LGR6: variants seen among roughly 807,000 people sequenced by gnomAD.
LGR6 encodes leucine rich repeat containing G protein-coupled receptor 6.
A neutral mutation model predicts 69.4 loss-of-function variants in LGR6; 45 were observed. The observed-to-expected ratio is 0.65, with a 90% CI of 0.51 to 0.83. The LOEUF (loss-of-function observed/expected upper bound fraction) is 0.83. Ranked by LOEUF, LGR6 falls within the 40% of genes least tolerant of loss-of-function variation. The pLI is 0.00. For missense variants in LGR6, 1,108 were observed against 1,246.7 expected (o/e 0.89, Z 1.68); for synonymous variants, 538 against 555.0 (o/e 0.97, Z 0.43).
intron 5 of LGR6, 54 bp from the exon 6 acceptor site, chr1:202,280,727 C>G: frequency 6.6e-7 from 1 of 1,522,942 alleles, no homozygotes; most frequent in Non-Finnish European, 9.1e-7. Context: ...TCTTCCATCC[C>G]CTGGCCCCAG....
intron 3 of LGR6, among the ~76,000 whole-genome samples, chr1:202,231,403 T>C (rs1245768806): frequency 6.6e-6 from 1 of 152,168 alleles, no homozygotes; most frequent in Non-Finnish European, 1.5e-5. Context: ...GGCTGCCCTC[T>C]CTGAGTCACC....
chr1:202,226,083 C>T (rs954185616), intron 2 of LGR6, among the ~76,000 whole-genome samples: 4 of 152,206 alleles, frequency 2.6e-5, no homozygotes, highest in African/African-American at 9.7e-5. Flanking sequence ...CAAAGTACTC[C>T]CTGGTGAATC....
chr1:202,305,219 C>T (rs2148278526), intron 11 of LGR6, among the ~76,000 whole-genome samples: 1 of 152,292 alleles, frequency 6.6e-6, no homozygotes, highest in Admixed American at 6.5e-5. Context: ...TAGGTCCTGT[C>T]CCCTCTGTGG....
At chr1:202,278,958 T>A (rs989282382) in intron 5 of LGR6, among the ~76,000 whole-genome samples, 5 of 152,144 alleles carry the variant, frequency 3.3e-5, no homozygotes, top group African/African-American at 1.2e-4. Context: ...CTGGACTATA[T>A]ACCTCAACAC....
chr1:202,260,693 T>C (rs1008722519), intron 4 of LGR6, among the ~76,000 whole-genome samples: 6 of 152,186 alleles, frequency 3.9e-5, no homozygotes, highest in Admixed American at 1.3e-4. Context: ...AAGTAGTTTT[T>C]CCCCCAAGAA....
At chr1:202,310,695 C>A (rs1023252334) in intron 16 of LGR6, among the ~76,000 whole-genome samples, 1 of 152,136 alleles carries the variant, frequency 6.6e-6, no homozygotes, top group Non-Finnish European at 1.5e-5. Context: ...TCTCCTTCAA[C>A]CTCAGGGTAT....
At chr1:202,306,821 C>G in intron 12 of LGR6, 47 bp from the exon 13 acceptor site, 3 of 1,563,646 alleles carry the variant, frequency 1.9e-6, no homozygotes, top group East Asian at 2.2e-5. Flanking sequence ...TGGAGCGGAG[C>G]CAGGGTCTGA....
At chr1:202,194,365 A>T (rs911921103) in intron 1 of LGR6, among the ~76,000 whole-genome samples, 164 bp downstream of exon 1, 6 of 152,138 alleles carry the variant, frequency 3.9e-5, no homozygotes, top group African/African-American at 1.4e-4. Context: ...GGAGGGGAGA[A>T]GAGTCTGAGA....
chr1:202,214,177 G>T (rs140165672), intron 1 of LGR6: 1 of 1,527,732 alleles, frequency 6.5e-7, no homozygotes, highest in Non-Finnish European at 8.7e-7. Context: ...GGAGAGGGCC[G>T]CTCAGCGAGG....
At chr1:202,252,338 C>T (rs1663333833) in intron 4 of LGR6, among the ~76,000 whole-genome samples, 1 of 152,206 alleles carries the variant, frequency 6.6e-6, no homozygotes, top group Non-Finnish European at 1.5e-5. Context: ...ACAGCCCTCT[C>T]CTCCTCCAGG....
At chr1:202,297,284 C>T (rs373702504) in intron 6 of LGR6, among the ~76,000 whole-genome samples, 2 of 152,228 alleles carry the variant, frequency 1.3e-5, no homozygotes, top group Non-Finnish European at 2.9e-5. Flanking sequence ...TGTCTCCCCC[C>T]TCAGAACAGT....
intron 1 of LGR6, among the ~76,000 whole-genome samples, chr1:202,204,720 A>G (rs1189992186): frequency 3.0e-4 from 32 of 105,974 alleles, no homozygotes; most frequent in Non-Finnish European, 4.8e-4. Context: ...CCTAACACAC[A>G]CCTCCTTCAA....
In LGR6 at chr1:202,270,888, C is replaced by T. The variant is rs542456165; in HGVS notation, c.429-5418C>T. On this transcript the variant is annotated intron_variant, in intron 4 of 17. Coordinates refer to ENST00000367278, the MANE Select transcript of LGR6 (RefSeq NM_001017403.2). ...CTTGGAGGGAAGGGTCCCCTTCCTT[C>T]CCTCCCTGCTTCAGCCTCAGCCCTT... 2.8e-4 allele frequency among the ~76,000 whole-genome samples: 43 copies of T among 152,320 alleles called. 1 individual carries two copies. Among genetic ancestry groups the T allele is most frequent in the African/African-American group, 1.0e-3 (43 of 41,562 alleles).
At chr1:202,256,021 A>G (rs1032592443) in intron 4 of LGR6, among the ~76,000 whole-genome samples, 1 of 152,126 alleles carries the variant, frequency 6.6e-6, no homozygotes, top group African/African-American at 2.4e-5. Context: ...GAAAATCCTT[A>G]CTCATTAGCA....
chr1:202,289,035 A>G (rs926995904), intron 6 of LGR6, among the ~76,000 whole-genome samples: 2 of 152,202 alleles, frequency 1.3e-5, no homozygotes, highest in African/African-American at 4.8e-5. Context: ...AAGCGTGGCA[A>G]AGGCTCTCCT....
At chr1:202,194,495 G>T in intron 1 of LGR6, 1 of 656,228 alleles carries the variant, frequency 1.5e-6, no homozygotes, top group East Asian at 3.2e-5. Context: ...GACCCTGAGC[G>T]GGAGGGCGCG....
chr1:202,195,706 G>A (rs1477025685), intron 1 of LGR6, among the ~76,000 whole-genome samples: 1 of 152,154 alleles, frequency 6.6e-6, no homozygotes, highest in Admixed American at 6.5e-5. Flanking sequence ...TTGAAGACAG[G>A]GTCCTGTGGC....
At chr1:202,211,708 G>A (rs775282877) in intron 1 of LGR6, among the ~76,000 whole-genome samples, 21 of 152,084 alleles carry the variant, frequency 1.4e-4, no homozygotes, top group East Asian at 3.9e-4. Flanking sequence ...ATAGAAAAGC[G>A]TACATATCAT....
At chr1:202,245,775 C>T (rs970997420) in intron 4 of LGR6, among the ~76,000 whole-genome samples, 7 of 152,132 alleles carry the variant, frequency 4.6e-5, no homozygotes, top group Non-Finnish European at 8.8e-5. Context: ...GGCAGGCTTT[C>T]TCCTCAGCTC....
Sources: allele counts gnomAD v4.1 joint callset (sites outside exome capture counted in the v4.1 genomes callset), GRCh38; gene constraint gnomAD v4.1.1; transcripts MANE v1.5; gene names NCBI Gene and HGNC (gene_info 2026-07-23, HGNC 2026-07-21).